The following TFB1M variants were observed in gnomAD, a reference collection of about 807,000 sequenced individuals.
TFB1M encodes the protein transcription factor B1, mitochondrial, also known as dimethyladenosine transferase 1, mitochondrial.
TFB1M carries 27 observed loss-of-function variants against 31.1 expected under a neutral mutation model. The observed-to-expected ratio is 0.87, with a 90% CI of 0.64 to 1.20. The LOEUF is 1.20. Among genes scored for constraint, TFB1M ranks in the 50% most tolerant of loss-of-function variants. The pLI, the probability that TFB1M is intolerant of heterozygous loss-of-function variation, is 0.00. For synonymous variants in TFB1M, 166 were observed against 151.8 expected, an observed-to-expected ratio of 1.09 and a Z score of -0.69; for missense variants, 394 against 418.7, an observed-to-expected ratio of 0.94 and a Z score of 0.51.
intron 4 of TFB1M, among the ~76,000 whole-genome samples, chr6:155,290,286 T>G (rs1288337112): frequency 6.7e-6 from 1 of 148,460 alleles, no homozygotes; most frequent in Non-Finnish European, 1.5e-5. Context: ...CTTGGGAGGC[T>G]GAGGCAGTTG....
Position 155,298,465 on chromosome 6 carries a change from A to C in TFB1M, c.394+12T>G, listed in dbSNP as rs1420932843. 7.0e-7 allele frequency: 1 copy of C among 1,424,198 alleles called. No homozygotes were observed. Among genetic ancestry groups the C allele is most frequent in the South Asian group, 1.1e-5 (1 of 87,266 alleles). 88.2% of individuals were successfully genotyped at this position (1,424,198 alleles called of 1,614,324 possible). ...TAAAAGAAATGTTTTATAACTACCCAAAAGCACTCACCATCTTCCCAGGGT... is the reference window on the plus strand; with the variant it reads ...TAAAAGAAATGTTTTATAACTACCCCAAAGCACTCACCATCTTCCCAGGGT... On this transcript the variant is annotated intron_variant, in intron 3 of 6. Transcript: ENST00000367166.
the TFB1M span, chr6:155,245,795 T>C: frequency 1.0e-5 from 11 of 1,098,292 alleles, no homozygotes; most frequent in African/African-American, 3.4e-5. Context: ...TAGTAAAGGG[T>C]AAATCTGTAT....
At chr6:155,241,609 C>G in the TFB1M span, among the ~76,000 whole-genome samples, 2 of 152,184 alleles carry the variant, frequency 1.3e-5, no homozygotes, top group African/African-American at 2.4e-5. Context: ...TGAGCTTCCC[C>G]CTTTTGTTGA....
chr6:155,253,925 C>A, downstream of TFB1M: 1 of 1,476,684 alleles, frequency 6.8e-7, no homozygotes, highest in Non-Finnish European at 9.4e-7. Flanking sequence ...TTAACCACAG[C>A]ATTTTGGGCA....
chr6:155,247,884 A>G, the TFB1M span: 1 of 1,328,972 alleles, frequency 7.5e-7, no homozygotes, highest in Non-Finnish European at 1.0e-6. Context: ...GTTTTCATTA[A>G]AGAATGGCAT....
At chr6:155,246,956 G>A in the TFB1M span, among the ~76,000 whole-genome samples, 2 of 152,252 alleles carry the variant, frequency 1.3e-5, no homozygotes, top group African/African-American at 4.8e-5. Context: ...TAGCACTGGT[G>A]TATCCGCTGG....
chr6:155,307,136 T>TACACACACACACACAC (rs61677970), intron 2 of TFB1M, among the ~76,000 whole-genome samples: 3 of 147,356 alleles, frequency 2.0e-5, no homozygotes, highest in East Asian at 2.0e-4. Context: ...CTCAAACACA[T>TACACACACACACACAC]ACACACACAC....
chr6:155,286,468 AAT>A (rs202019875), intron 4 of TFB1M, among the ~76,000 whole-genome samples: 11,443 of 147,354 alleles, frequency 0.078, 569 homozygotes, highest in Non-Finnish European at 0.099. Flanking sequence ...TTGGGGACAA[AAT>A]ATATATATAT....
At chr6:155,304,506 G>A (rs186397598) in intron 2 of TFB1M, among the ~76,000 whole-genome samples, 1 of 152,126 alleles carries the variant, frequency 6.6e-6, no homozygotes, top group Admixed American at 6.5e-5. Flanking sequence ...TCAGACATTA[G>A]ACAACAAAAA....
At chr6:155,273,350 G>A (rs1785030088) in intron 5 of TFB1M, among the ~76,000 whole-genome samples, 1 of 152,166 alleles carries the variant, frequency 6.6e-6, no homozygotes, top group African/African-American at 2.4e-5. Context: ...TTCAGATTAT[G>A]AACAAAAACA....
chr6:155,304,715 A>C (rs1415609759), intron 2 of TFB1M, among the ~76,000 whole-genome samples: 1 of 151,924 alleles, frequency 6.6e-6, no homozygotes, highest in Non-Finnish European at 1.5e-5. Flanking sequence ...GTTTGTCAGA[A>C]ACAATGCAAG....
chr6:155,270,677 T>C (rs1784876445), intron 5 of TFB1M, among the ~76,000 whole-genome samples: 1 of 152,204 alleles, frequency 6.6e-6, no homozygotes, highest in Non-Finnish European at 1.5e-5. Context: ...TTCCTTATGC[T>C]AGAGGTTAGA....
chr6:155,236,633 A>T, the TFB1M span, among the ~76,000 whole-genome samples: 2 of 152,214 alleles, frequency 1.3e-5, no homozygotes, highest in East Asian at 1.9e-4. Context: ...ACTGCACTCC[A>T]GCCTGGGTGA....
chr6:155,292,317 G>A (rs949283968), intron 4 of TFB1M, among the ~76,000 whole-genome samples: 4 of 152,168 alleles, frequency 2.6e-5, no homozygotes, highest in African/African-American at 4.8e-5. Flanking sequence ...AGGAGAGGGA[G>A]AGAGAATGTG....
intron 5 of TFB1M, among the ~76,000 whole-genome samples, chr6:155,275,313 A>G (rs966941467): frequency 2.0e-5 from 3 of 152,226 alleles, no homozygotes; most frequent in Non-Finnish European, 4.4e-5. Context: ...TGGAATTTCA[A>G]ATGTCTAAAT....
intron 4 of TFB1M, among the ~76,000 whole-genome samples, chr6:155,291,866 T>C (rs1776941881): frequency 6.6e-6 from 1 of 152,178 alleles, no homozygotes; most frequent in African/African-American, 2.4e-5. Flanking sequence ...AGAAATGAAA[T>C]TCTTATGATA....
intron 4 of TFB1M, among the ~76,000 whole-genome samples, chr6:155,295,465 T>G (rs1777125600): frequency 6.6e-6 from 1 of 152,090 alleles, no homozygotes; most frequent in Non-Finnish European, 1.5e-5. Flanking sequence ...ACAGTAGTGA[T>G]CACCTTACTA....
chr6:155,274,186 G>C (rs1218527459), intron 5 of TFB1M, among the ~76,000 whole-genome samples: 2 of 152,142 alleles, frequency 1.3e-5, no homozygotes, highest in Non-Finnish European at 2.9e-5. Context: ...AAATACATAT[G>C]AATCACGACA....
intron 5 of TFB1M, among the ~76,000 whole-genome samples, chr6:155,282,117 C>T (rs906969312): frequency 6.6e-6 from 1 of 152,156 alleles, no homozygotes; most frequent in African/African-American, 2.4e-5. Context: ...AAAATTCTAA[C>T]TTAAAAGCTA....
Sources: gnomAD v4.1 joint callset for allele counts (sites outside exome capture counted in the v4.1 genomes callset) on GRCh38, gnomAD v4.1.1 for gene constraint, MANE v1.5 for transcripts, NCBI Gene and HGNC (gene_info 2026-07-23, HGNC 2026-07-21) for gene names.